CROCC: variants seen among roughly 807,000 people sequenced by gnomAD.
CROCC encodes the protein ciliary rootlet coiled-coil, rootletin.
A neutral mutation model predicts 245.2 loss-of-function variants in CROCC; 180 were observed. The observed-to-expected ratio is 0.73, with a 90% CI of 0.65 to 0.83. The LOEUF is 0.83. Among genes scored for constraint, CROCC ranks in the 40% least tolerant of loss-of-function variants. The pLI, the probability that CROCC is intolerant of heterozygous loss-of-function variation, is 0.00. For synonymous variants in CROCC, 1,205 were observed against 1,241.6 expected (o/e 0.97, Z 0.62); for missense variants, 2,688 against 2,779.4 (o/e 0.97, Z 0.74).
At chr1:16,948,156 T>C (rs1303148609) in intron 17 of CROCC, among the ~76,000 whole-genome samples, 175 bp from the exon 18 acceptor site, 2 of 152,292 alleles carry the variant, frequency 1.3e-5, no homozygotes, top group Non-Finnish European at 2.9e-5. Flanking sequence ...CACACGTGCA[T>C]TGCAGATCTA....
rs553328975 is a variant in CROCC, at chr1:16,962,322, G to T, written c.4405+1192G>T. ...GCACTTTGGGAGGCAGAGGTGGGCG[G>T]ATCACGAGGTCAGGAGATCGAGACC... is the stretch of plus-strand genomic sequence containing the variant. On this transcript the variant is annotated intron_variant, in intron 27 of 36. Transcript: ENST00000375541. Among the ~76,000 whole-genome samples the T allele has an allele frequency of 6.9e-4, 104 of 150,988 alleles. 1 individual carries two copies. Among genetic ancestry groups the T allele is most frequent in the Non-Finnish European group, 1.2e-3 (84 of 67,776 alleles).
chr1:16,916,947 G>A (rs1186698060), upstream of CROCC, among the ~76,000 whole-genome samples: 12 of 152,284 alleles, frequency 7.9e-5, no homozygotes, highest in Non-Finnish European at 1.6e-4. Flanking sequence ...GTGAAACCCT[G>A]TCTCTACTAA....
rs184526956 is a variant in CROCC at position 16,969,310 on chromosome 1, C to T, written c.5271C>T (p.Thr1757=). ...DKNLHLQKAL[T]ACEHDRQVLQ... is the part of the protein sequence containing the mutation. ...ACCTGCATCTGCAGAAGGCTCTGAC[C>T]GCCTGTGAACATGACCGCCAAGTAC... Residue 1757 remains threonine (T), a synonymous_variant, in exon 32 of 37, where the codon ACC becomes ACT. Transcript: ENST00000375541. The T allele has an allele frequency of 8.1e-6, 13 of 1,612,098 alleles. No individual in the cohort carries two copies. The highest frequency in any genetic ancestry group is 4.5e-5 in the East Asian group (2 of 44,880).
chr1:16,918,745 T>TG (rs1491507953), upstream of CROCC, among the ~76,000 whole-genome samples: 14 of 45,824 alleles, frequency 3.1e-4, no homozygotes, highest in East Asian at 7.2e-3. Flanking sequence ...TTTGTTTTTG[T>TG]TTTTTTTTTG....
chr1:16,969,806 C>T lies in CROCC; in HGVS notation c.5323C>T (p.Gln1775Ter), dbSNP rs2076483422. 1 of 1,613,078 alleles carries T rather than the reference C, an allele frequency of 6.2e-7. No individual in the cohort carries two copies. The highest frequency in any genetic ancestry group is 2.2e-5 in the East Asian group (1 of 44,874). ...CCAGGAACGGCTGGATGCCGCCCGG[C>T]AGGCATTATCTGAGGCACGGAAGCA... The part of the protein sequence containing the change: ...VLQERLDAAR[Q>*]ALSEARKQSS... Residue 1775 changes from glutamine (Q) to a stop codon, truncating the protein, a stop_gained, in exon 33 of 37, where the codon CAG becomes TAG. Coordinates refer to ENST00000375541, the MANE Select transcript of CROCC (RefSeq NM_014675.5). LOFTEE classifies it high-confidence loss of function.
chr1:16,971,417 C>T (rs1444062390), intron 35 of CROCC, 48 bp from the exon 36 acceptor site: 5 of 1,491,830 alleles, frequency 3.4e-6, no homozygotes, highest in Non-Finnish European at 4.5e-6. Flanking sequence ...CACATGCACA[C>T]ACACACTCAC....
At chr1:16,946,478 A>G (rs957576456) in intron 16 of CROCC, 73 bp downstream of exon 16, 75 of 1,559,176 alleles carry the variant, frequency 4.8e-5, no homozygotes, top group Middle Eastern at 4.6e-4. Context: ...CCCCGGGCCC[A>G]GCCCTGTACC....
In CROCC at chr1:16,955,491, G is replaced by T. The variant is rs1386352120; in HGVS notation, c.3645G>T (p.Leu1215=). 8 of 1,580,068 alleles carry T rather than the reference G, an allele frequency of 5.1e-6. No individual in the cohort carries two copies. The highest frequency in any genetic ancestry group is 6.9e-6 in the Non-Finnish European group (8 of 1,166,860). ...LGEGAKEREA[L]RRSNEELRSA... ...AGGGTGCCAAGGAGCGCGAGGCCCT[G>T]CGGCGTTCCAATGAGGAGCTTCGGT... The change falls in exon 24 of 37, where the codon CTG becomes CTT. Residue 1215 remains leucine (L), a synonymous_variant. Coordinates refer to ENST00000375541, the MANE Select transcript of CROCC (RefSeq NM_014675.5).
chr1:16,954,530 C>T lies in CROCC; in HGVS notation c.3321+173C>T, dbSNP rs1199493057. ...ATCTGAGGGAGGTGGCTCAGCCCTGCCCTGATGAATCCTTTTGGCGTGAGG... is the reference window on the plus strand; with the variant it reads ...ATCTGAGGGAGGTGGCTCAGCCCTGTCCTGATGAATCCTTTTGGCGTGAGG... On this transcript the variant is annotated intron_variant, in intron 22 of 36. Coordinates refer to ENST00000375541, the MANE Select transcript of CROCC (RefSeq NM_014675.5). This position sits in a 1 kb window ranked among gnomAD's most constrained non-coding sequence, Gnocchi z 4.4. Among the ~76,000 whole-genome samples the T allele has an allele frequency of 6.6e-6, 1 of 152,226 alleles. No homozygotes were observed. Among genetic ancestry groups the T allele is most frequent in the Non-Finnish European group, 1.5e-5 (1 of 68,044 alleles).
intron 12 of CROCC, 28 bp from the exon 13 acceptor site, chr1:16,939,866 C>T (rs1284282251): frequency 1.2e-6 from 2 of 1,610,062 alleles, no homozygotes; most frequent in East Asian, 2.2e-5. Context: ...TCAGGCCCCC[C>T]CAGACTCTGT....
chr1:16,948,383 A>C lies in CROCC; in HGVS notation c.2567A>C (p.Glu856Ala). The C allele has an allele frequency of 6.3e-7, 1 of 1,578,408 alleles. No individual in the cohort carries two copies. The highest frequency in any genetic ancestry group is 8.6e-7 in the Non-Finnish European group (1 of 1,165,176). Residue 856 changes from glutamate (E) to alanine (A), a missense_variant, in exon 18 of 37, where the codon GAG becomes GCG. Glu to Ala is a moderately radical substitution (Grantham distance 107). This residue lies in a region of CROCC where 295 missense variants were observed against 241.7 expected (regional missense o/e 1.22). Coordinates refer to ENST00000375541, the MANE Select transcript of CROCC (RefSeq NM_014675.5). ...CAGGAGCTGGAGCAGGCCCGGCGGG[A>C]GGCCCAGCGGCAAGTGGAGGCGCTG... ...REQELEQARR[E>A]AQRQVEALER... is the part of the protein sequence containing the mutation.
At chr1:16,940,227 T>G in intron 13 of CROCC, 134 bp downstream of exon 13, 2 of 1,050,996 alleles carry the variant, frequency 1.9e-6, no homozygotes, top group South Asian at 1.7e-5. Context: ...AACGTTTATT[T>G]ATTTATTTAT....
chr1:16,955,390 C>CGCAA lies in CROCC; in HGVS notation c.3547_3550dup (p.Leu1184GlnfsTer4). On this transcript the variant is annotated frameshift_variant, in exon 24 of 37. Transcript: ENST00000375541. LOFTEE classifies it high-confidence loss of function. ...GCGGCGGGAGCTGCTGGAGGCCCAG[C>CGCAA]GCAAGCTGCGTGAGAGCCAGGAGGG... 6.2e-7 allele frequency: 1 copy of CGCAA among 1,605,172 alleles called. No homozygotes were observed. Among genetic ancestry groups the CGCAA allele is most frequent in the Non-Finnish European group, 8.5e-7 (1 of 1,179,102 alleles).
chr1:16,969,978 C>T lies in CROCC; in HGVS notation c.5451+44C>T, dbSNP rs751519166. On this transcript the variant is annotated intron_variant, in intron 33 of 36. Coordinates refer to ENST00000375541, the MANE Select transcript of CROCC (RefSeq NM_014675.5). ...CCCCTCTGTCCCCAAGACTGTGAGG[C>T]CCTAGGATAGGGTGGGGACGTTCCC... 4 of 1,532,272 alleles carry T rather than the reference C, an allele frequency of 2.6e-6. No homozygotes were observed. The East Asian group carries it at 9.1e-5, about 35-fold the overall frequency. The allele number at this position is 1,532,272 out of a possible 1,614,324, so 94.9% of individuals were successfully genotyped here. A position where few individuals can be genotyped will look rare whatever the true frequency, so the allele number is the denominator to read the frequency against.
chr1:16,952,612 C>T (rs1265493790), intron 20 of CROCC, among the ~76,000 whole-genome samples: 1 of 152,156 alleles, frequency 6.6e-6, no homozygotes, highest in Non-Finnish European at 1.5e-5. Flanking sequence ...TCTGCCTGCC[C>T]GCCTGTCCAG....
intron 26 of CROCC, 57 bp from the exon 27 acceptor site, chr1:16,960,701 G>A (rs996117868): frequency 2.8e-6 from 4 of 1,426,070 alleles, no homozygotes; most frequent in African/African-American, 1.5e-5. Flanking sequence ...GGCCTTAGGG[G>A]TGGGGCGTCG....
chr1:16,962,322 G>A (rs553328975), intron 27 of CROCC, among the ~76,000 whole-genome samples: 1 of 150,876 alleles, frequency 6.6e-6, no homozygotes, highest in Non-Finnish European at 1.5e-5. Flanking sequence ...GAGGTGGGCG[G>A]ATCACGAGGT....
Position 16,972,370 on chromosome 1 carries a change from T to C in CROCC, c.5978T>C (p.Leu1993Pro). 6.2e-7 allele frequency: 1 copy of C among 1,613,788 alleles called. No individual in the cohort carries two copies. The highest frequency in any genetic ancestry group is 2.2e-5 in the East Asian group (1 of 44,864). ...VRGLEEQVST[L>P]KGQLQQELRR... ...CCCTTTCTTCCCCAGGTGTCCACACTGAAGGGCCAGCTGCAGCAGGAGCTT... is the reference window on the plus strand; with the variant it reads ...CCCTTTCTTCCCCAGGTGTCCACACCGAAGGGCCAGCTGCAGCAGGAGCTT... Residue 1993 changes from leucine (L) to proline (P), a missense_variant, in exon 37 of 37, where the codon CTG (leucine) becomes CCG (proline). Physicochemically the swap from Leu to Pro is moderately conservative, Grantham distance 98. Around this residue, in one of 9 missense-constraint regions of CROCC, gnomAD observed 1,218 missense variants for 1,286.3 expected, o/e 0.95. Coordinates refer to ENST00000375541, the MANE Select transcript of CROCC (RefSeq NM_014675.5).
At position 16,961,096 on chromosome 1, in the gene CROCC, G is replaced by A; in HGVS notation, c.4371G>A (p.Val1457=). 1.5e-6 allele frequency: 2 copies of A among 1,364,114 alleles called. No individual in the cohort carries two copies. Among genetic ancestry groups the A allele is most frequent in the African/African-American group, 1.5e-5 (1 of 65,560 alleles). The allele number at this position is 1,364,114 out of a possible 1,614,324, so 84.5% of individuals were successfully genotyped here. Residue 1457 remains valine (V), a synonymous_variant, in exon 27 of 37, where the codon GTG becomes GTA. Coordinates refer to ENST00000375541, the MANE Select transcript of CROCC (RefSeq NM_014675.5). ...GRAPSPAPRP[V]PGSPARDAPA... is the part of the protein sequence containing the mutation. The stretch of plus-strand genomic sequence containing the variant: ...CGCCCAGCCCAGCCCCGCGGCCAGT[G>A]CCCGGTTCCCCTGCCCGGGACGCAC...
Sources: allele counts gnomAD v4.1 joint callset (sites outside exome capture counted in the v4.1 genomes callset), GRCh38; gene constraint gnomAD v4.1.1; regional missense constraint gnomAD v4.1.1; non-coding constraint Gnocchi (gnomAD v3.1); transcripts MANE v1.5; gene names NCBI Gene and HGNC (gene_info 2026-07-23, HGNC 2026-07-21).